The following ZRANB3 variants were observed in gnomAD, a reference collection of about 807,000 sequenced individuals.
ZRANB3 encodes zinc finger RANBP2-type containing 3, also known as DNA annealing helicase and endonuclease ZRANB3.
ZRANB3 carries 125 observed loss-of-function variants against 133.8 expected under a neutral mutation model. The ratio of observed to expected loss-of-function variants is 0.93; its 90% CI spans 0.81 to 1.08. The LOEUF (loss-of-function observed/expected upper bound fraction) is 1.08, where lower values mean the gene tolerates loss of function less well. Among genes scored for constraint, ZRANB3 ranks in the 50% least tolerant of loss-of-function variants. The probability of loss-of-function intolerance (pLI) is 0.00; values close to 1 mark genes in which losing one functional copy is unlikely to be tolerated. For synonymous variants in ZRANB3, 387 were observed against 432.7 expected (o/e 0.89, Z 1.31); for missense variants, 1,229 against 1,275.5 (o/e 0.96, Z 0.56).
At chr2:135,473,701 TA>T (rs1310656511) in intron 2 of ZRANB3, among the ~76,000 whole-genome samples, 2 of 152,230 alleles carry the variant, frequency 1.3e-5, no homozygotes, top group Non-Finnish European at 2.9e-5. Context: ...GTATTTGTCT[TA>T]AATAGAACCA....
rs368494735 is a variant in ZRANB3 at position 135,278,738 on chromosome 2, C to T, written c.967-2983G>A. Among the ~76,000 whole-genome samples, 142 of 152,050 alleles carry T rather than the reference C, an allele frequency of 9.3e-4. 4 individuals carry two copies. The South Asian group carries it at 0.027, about 29-fold the overall frequency. ...AGAAAAACCTTTATAATTATTAATGCCAAAGAAAATAAAATGAGTTGTGGA... is the reference window on the plus strand; with the variant it reads ...AGAAAAACCTTTATAATTATTAATGTCAAAGAAAATAAAATGAGTTGTGGA... On this transcript the variant is annotated intron_variant, in intron 8 of 20. Coordinates refer to ENST00000264159, the MANE Select transcript of ZRANB3 (RefSeq NM_032143.4).
intron 1 of ZRANB3, 34 bp from the exon 2 acceptor site, chr2:135,504,530 T>C: frequency 6.4e-7 from 1 of 1,565,748 alleles, no homozygotes; most frequent in South Asian, 1.2e-5. Context: ...AAGGGAGGGG[T>C]ATAAGAAATA....
Position 135,511,223 on chromosome 2 carries a change from CTGAGA to C in ZRANB3, c.-7-6732_-7-6728del, listed in dbSNP as rs973468658. ...ATGTCCTCAAGTCTTCCCATACTGT[CTGAGA>C]TATGTCTGCAGGTGCTGGAGAAGAA... On this transcript the variant is annotated intron_variant, in intron 1 of 20. Transcript: ENST00000264159. 8.3e-5 allele frequency: 78 copies of C among 938,696 alleles called. No individual in the cohort carries two copies. In the African/African-American group the frequency reaches 1.2e-3, roughly 14 times the overall value. 58.1% of individuals were successfully genotyped at this position (938,696 alleles called of 1,614,324 possible).
intron 2 of ZRANB3, among the ~76,000 whole-genome samples, chr2:135,503,615 C>T (rs901008351): frequency 5.3e-5 from 8 of 152,008 alleles, no homozygotes; most frequent in African/African-American, 1.9e-4. Flanking sequence ...GTATAAGGTA[C>T]TCATAAAACA....
intron 15 of ZRANB3, among the ~76,000 whole-genome samples, chr2:135,223,131 A>G (rs1694618598): frequency 6.6e-6 from 1 of 151,998 alleles, no homozygotes; most frequent in East Asian, 2.0e-4. Flanking sequence ...GGGCACCTGT[A>G]GTCCCAGCTA....
intron 2 of ZRANB3, among the ~76,000 whole-genome samples, chr2:135,501,108 T>C (rs1692922105): frequency 6.6e-6 from 1 of 152,070 alleles, no homozygotes; most frequent in Admixed American, 6.5e-5. Context: ...ATAGTGAAAC[T>C]ACAGAACTCC....
At chr2:135,379,087 T>C (rs890928872) in intron 3 of ZRANB3, among the ~76,000 whole-genome samples, 1 of 152,206 alleles carries the variant, frequency 6.6e-6, no homozygotes, top group African/African-American at 2.4e-5. Flanking sequence ...ACCATACTAA[T>C]CTAAGATATC....
chr2:135,408,771 A>G (rs1004692002), intron 2 of ZRANB3, among the ~76,000 whole-genome samples: 7 of 152,016 alleles, frequency 4.6e-5, no homozygotes, highest in Non-Finnish European at 1.0e-4. Flanking sequence ...TGGGAACTGA[A>G]CAATGAGAAC....
At chr2:135,406,269 C>G (rs1033439594) in intron 2 of ZRANB3, among the ~76,000 whole-genome samples, 25 of 152,024 alleles carry the variant, frequency 1.6e-4, no homozygotes, top group Non-Finnish European at 3.2e-4. Flanking sequence ...AAGACTAAAC[C>G]AGGAAGAAGT....
rs548356913 is a variant in ZRANB3, at chr2:135,495,729, A to G, written c.161+8600T>C. Among the ~76,000 whole-genome samples, 4 of 152,328 alleles carry G rather than the reference A, an allele frequency of 2.6e-5. No individual in the cohort carries two copies. The East Asian group carries it at 7.7e-4, about 29-fold the overall frequency. On this transcript the variant is annotated intron_variant, in intron 2 of 20. Transcript: ENST00000264159. ...TGACAGAAGTCAGATCAGTGATTTTAATTTAGGAGGATGGGGTTGTTTAGA... is the reference window on the plus strand; with the variant it reads ...TGACAGAAGTCAGATCAGTGATTTTGATTTAGGAGGATGGGGTTGTTTAGA...
chr2:135,366,531 AT>A (rs2104893616), intron 3 of ZRANB3, among the ~76,000 whole-genome samples: 1 of 152,280 alleles, frequency 6.6e-6, no homozygotes, highest in Non-Finnish European at 1.5e-5. Flanking sequence ...TAGGCTGGGT[AT>A]TATGTGCAGA....
At chr2:135,307,324 C>T (rs1682755258) in intron 8 of ZRANB3, among the ~76,000 whole-genome samples, 1 of 152,220 alleles carries the variant, frequency 6.6e-6, no homozygotes, top group Admixed American at 6.5e-5. Context: ...TCTCAGCATC[C>T]TGAAGCACTA....
intron 11 of ZRANB3, 48 bp from the exon 12 acceptor site, chr2:135,265,734 C>G (rs1287046881): frequency 6.5e-7 from 1 of 1,542,048 alleles, no homozygotes; most frequent in African/African-American, 1.4e-5. Flanking sequence ...CACCTCACAG[C>G]TGAAATTCAC....
intron 6 of ZRANB3, among the ~76,000 whole-genome samples, chr2:135,336,033 G>C (rs1382161764): frequency 6.6e-6 from 1 of 152,178 alleles, no homozygotes; most frequent in Non-Finnish European, 1.5e-5. Flanking sequence ...ATGTGCTAAT[G>C]GTTGACAACT....
At chr2:135,374,891 A>G (rs959942312) in intron 3 of ZRANB3, among the ~76,000 whole-genome samples, 1 of 152,248 alleles carries the variant, frequency 6.6e-6, no homozygotes, top group Non-Finnish European at 1.5e-5. Flanking sequence ...AAACATGGGT[A>G]TAAGATCTGA....
At chr2:135,360,325 G>A (rs1685621607) in intron 3 of ZRANB3, among the ~76,000 whole-genome samples, 1 of 152,028 alleles carries the variant, frequency 6.6e-6, no homozygotes, top group African/African-American at 2.4e-5. Flanking sequence ...AGGTTGCAGT[G>A]AGCTGAGATC....
At chr2:135,317,341 G>A (rs1341111570) in intron 6 of ZRANB3, among the ~76,000 whole-genome samples, 8 of 151,900 alleles carry the variant, frequency 5.3e-5, no homozygotes, top group African/African-American at 7.3e-5. Flanking sequence ...TTGATCACAC[G>A]GTCACAAAAA....
rs959169822 is a variant in ZRANB3, at chr2:135,350,286, T to C, written c.360-71A>G. 13 of 1,129,762 alleles carry C rather than the reference T, an allele frequency of 1.2e-5. No individual in the cohort carries two copies. The South Asian group carries it at 1.7e-4, about 15-fold the overall frequency. The allele number at this position is 1,129,762 out of a possible 1,614,324, so 70.0% of individuals were successfully genotyped here. ...GTTATCATGAACAATACAACTCTCT[T>C]GGGAAAAAATACAGAGGAGAAGAAA... On this transcript the variant is annotated intron_variant, in intron 4 of 20. Transcript: ENST00000264159.
chr2:135,514,557 T>C (rs1693618521), intron 1 of ZRANB3, among the ~76,000 whole-genome samples: 1 of 152,196 alleles, frequency 6.6e-6, no homozygotes, highest in African/African-American at 2.4e-5. Context: ...ATGATGGGGT[T>C]TTCTAAATAT....
Sources: gnomAD v4.1 joint callset for allele counts (sites outside exome capture counted in the v4.1 genomes callset) on GRCh38, gnomAD v4.1.1 for gene constraint, MANE v1.5 for transcripts, NCBI Gene and HGNC (gene_info 2026-07-23, HGNC 2026-07-21) for gene names.